The following GABRR3 variants were observed in gnomAD, a reference collection of about 807,000 sequenced individuals.
The protein encoded by GABRR3 is gamma-aminobutyric acid receptor subunit rho-3.
GABRR3 carries 29 observed loss-of-function variants against 43.2 expected under a neutral mutation model. That is an observed-to-expected ratio of 0.67 (90% confidence interval 0.50 to 0.92). The LOEUF is 0.92. GABRR3 is among the 40% of genes least tolerant of loss of function. The pLI, the probability that GABRR3 is intolerant of heterozygous loss-of-function variation, is 0.00. For synonymous variants in GABRR3, 206 were observed against 195.9 expected (o/e 1.05, Z -0.43); for missense variants, 576 against 572.3 (o/e 1.01, Z -0.07).
intron 9 of GABRR3, among the ~76,000 whole-genome samples, chr3:97,988,384 G>T (rs1576033291): frequency 6.6e-6 from 1 of 152,082 alleles, no homozygotes; most frequent in Non-Finnish European, 1.5e-5. Flanking sequence ...AGCCAAGAAA[G>T]AAAATAGCTA....
At position 98,020,937 on chromosome 3, in the gene GABRR3, C is replaced by T. The variant is rs1178577105; in HGVS notation, c.239-3215G>A. The stretch of plus-strand genomic sequence containing the variant: ...AGTGCAGTGGTGTAATCTCGGCTCA[C>T]GGCAACCTCCACCTCCTGGGTTCAA... On this transcript the variant is annotated intron_variant, in intron 3 of 9. Transcript: ENST00000621172. 2.7e-5 allele frequency among the ~76,000 whole-genome samples: 4 copies of T among 148,300 alleles called. No homozygotes were observed. The South Asian group carries it at 6.4e-4, about 24-fold the overall frequency.
intron 9 of GABRR3, among the ~76,000 whole-genome samples, chr3:97,987,189 T>C (rs1254892792): frequency 3.9e-5 from 6 of 152,184 alleles, no homozygotes; most frequent in Non-Finnish European, 8.8e-5. Flanking sequence ...ACTAAAACCA[T>C]GTCATCGGTG....
chr3:97,996,974 G>A (rs1258116009), intron 8 of GABRR3, among the ~76,000 whole-genome samples: 2 of 152,152 alleles, frequency 1.3e-5, no homozygotes, highest in Non-Finnish European at 1.5e-5. Context: ...ACTACGTACT[G>A]AATATGAACT....
chr3:98,020,986 T>G (rs1437297485), intron 3 of GABRR3, among the ~76,000 whole-genome samples: 1 of 151,252 alleles, frequency 6.6e-6, no homozygotes, highest in Non-Finnish European at 1.5e-5. Context: ...CTCAGCCTCC[T>G]GAGGAGCTGG....
chr3:97,996,269 G>A (rs1375483101), intron 8 of GABRR3, among the ~76,000 whole-genome samples: 2 of 152,192 alleles, frequency 1.3e-5, no homozygotes, highest in African/African-American at 2.4e-5. Context: ...TAGGCAGAAC[G>A]AAAATATTAC....
At chr3:98,030,094 GAC>G (rs1262836710) in intron 2 of GABRR3, among the ~76,000 whole-genome samples, 1 of 146,988 alleles carries the variant, frequency 6.8e-6, no homozygotes, top group African/African-American at 2.5e-5. Flanking sequence ...CAGCCTGGGT[GAC>G]AGAGTGAGAC....
chr3:98,027,638 T>A (rs1463962294), intron 2 of GABRR3, among the ~76,000 whole-genome samples: 1 of 152,272 alleles, frequency 6.6e-6, no homozygotes, highest in Non-Finnish European at 1.5e-5. Flanking sequence ...AGGTGCACAA[T>A]GAGATGTTCC....
At chr3:97,985,609 T>A (rs201076711), downstream of GABRR3, among the ~76,000 whole-genome samples, 8 of 152,252 alleles carry the variant, frequency 5.3e-5, no homozygotes, top group East Asian at 1.3e-3. Context: ...ATATTCATTT[T>A]TTCAGTACAT....
At chr3:98,023,875 T>C (rs1179307470) in intron 3 of GABRR3, among the ~76,000 whole-genome samples, 1 of 152,186 alleles carries the variant, frequency 6.6e-6, no homozygotes, top group African/African-American at 2.4e-5. Context: ...CGAGGAGCTC[T>C]CAAATTGTGA....
At chr3:98,015,598 C>T (rs1463210241) in intron 4 of GABRR3, among the ~76,000 whole-genome samples, 1 of 152,206 alleles carries the variant, frequency 6.6e-6, no homozygotes, top group South Asian at 2.1e-4. Flanking sequence ...TCATAAGCTG[C>T]ATCTTACTAG....
chr3:98,007,864 G>T lies in GABRR3; in HGVS notation c.654C>A (p.His218Gln), dbSNP rs369702618. Residue 218 changes from histidine (H) to glutamine (Q), a missense_variant, in exon 7 of 10, where the codon CAC becomes CAA. Physicochemically the swap from His to Gln is conservative, Grantham distance 24 (BLOSUM62 0). Transcript: ENST00000621172. ...CTTCAGTATTTAAGGACTTGTTTCCGTGTTTCCAGTATAGCATTAGGTCAT... is the reference window on the plus strand; with the variant it reads ...CTTCAGTATTTAAGGACTTGTTTCCTTGTTTCCAGTATAGCATTAGGTCAT... 130 of 1,602,310 alleles carry T rather than the reference G, an allele frequency of 8.1e-5. No individual in the cohort carries two copies. Among genetic ancestry groups the T allele is most frequent in the Non-Finnish European group, 9.6e-5 (113 of 1,174,130 alleles).
intron 3 of GABRR3, among the ~76,000 whole-genome samples, chr3:98,021,239 A>G (rs1276007509): frequency 1.3e-5 from 2 of 152,076 alleles, no homozygotes; most frequent in Non-Finnish European, 2.9e-5. Flanking sequence ...ATTACGCTCT[A>G]GCATTCTTGA....
At chr3:98,003,706 GT>G (rs1163932964) in intron 7 of GABRR3, among the ~76,000 whole-genome samples, 5 of 151,990 alleles carry the variant, frequency 3.3e-5, no homozygotes, top group Admixed American at 6.6e-5. Context: ...AAAAGCCTAG[GT>G]CTCTTTTTGG....
intron 9 of GABRR3, among the ~76,000 whole-genome samples, chr3:97,989,986 G>A (rs2107224573): frequency 6.6e-6 from 1 of 152,092 alleles, no homozygotes; most frequent in African/African-American, 2.4e-5. Flanking sequence ...TATATATACA[G>A]GTGTCATCTA....
chr3:98,015,857 A>C (rs1427280908), intron 4 of GABRR3, among the ~76,000 whole-genome samples: 1 of 152,182 alleles, frequency 6.6e-6, no homozygotes, highest in Non-Finnish European at 1.5e-5. Context: ...TGGGGCTTGA[A>C]GGGAGGTGTA....
intron 3 of GABRR3, among the ~76,000 whole-genome samples, chr3:98,021,702 C>T (rs968717519): frequency 6.6e-6 from 1 of 152,194 alleles, no homozygotes; most frequent in African/African-American, 2.4e-5. Flanking sequence ...TAAATATTAA[C>T]CATTACGATG....
At chr3:97,987,096 A>G (rs1212417109) in intron 9 of GABRR3, 114 bp from the exon 10 acceptor site, 1 of 705,374 alleles carries the variant, frequency 1.4e-6, no homozygotes, top group Non-Finnish European at 2.3e-6. Context: ...AAGATAGGCC[A>G]ATTGGATTTG....
intron 5 of GABRR3, 134 bp from the exon 6 acceptor site, chr3:98,009,172 A>C (rs1706758588): frequency 1.7e-6 from 1 of 578,874 alleles, no homozygotes; most frequent in African/African-American, 1.9e-5. Context: ...AGGCAGTATT[A>C]TCTTCTGTCC....
intron 3 of GABRR3, among the ~76,000 whole-genome samples, chr3:98,023,592 C>T (rs1391667): frequency 0.76 from 115,366 of 151,968 alleles, 44,393 homozygotes; most frequent in East Asian, 0.99. Flanking sequence ...GAAAATTTGG[C>T]TGGGGAAACA....
Sources: gnomAD v4.1 joint callset for allele counts (sites outside exome capture counted in the v4.1 genomes callset) on GRCh38, gnomAD v4.1.1 for gene constraint, MANE v1.5 for transcripts, NCBI Gene and HGNC (gene_info 2026-07-23, HGNC 2026-07-21) for gene names.